The following ATP11A variants were observed in gnomAD, a reference collection of about 807,000 sequenced individuals.
ATP11A encodes the protein phospholipid-transporting ATPase IH.
Under a neutral mutation model 154.4 loss-of-function variants are expected in ATP11A, and 81 were observed. The ratio of observed to expected loss-of-function variants is 0.52; its 90% CI spans 0.44 to 0.63. ATP11A has a LOEUF of 0.63. Ranked by LOEUF, ATP11A falls within the 30% of genes least tolerant of loss-of-function variation. The pLI, the probability that ATP11A is intolerant of heterozygous loss-of-function variation, is 0.00. For missense variants in ATP11A, 1,316 were observed against 1,474.3 expected (o/e 0.89, Z 1.76); for synonymous variants, 623 against 585.9 (o/e 1.06, Z -0.91).
At chr13:112,724,720 C>A (rs1889622420) in intron 1 of ATP11A, among the ~76,000 whole-genome samples, 2 of 152,108 alleles carry the variant, frequency 1.3e-5, no homozygotes, top group African/African-American at 4.8e-5. Flanking sequence ...TGGGGCCCAT[C>A]TTGAGTCTCC....
At chr13:112,861,366 G>C (rs2080098610) in intron 24 of ATP11A, among the ~76,000 whole-genome samples, 1 of 152,124 alleles carries the variant, frequency 6.6e-6, no homozygotes, top group Non-Finnish European at 1.5e-5. Context: ...GATTCTGTGG[G>C]CCCTGATCCC....
At chr13:112,772,356 G>T (rs560258154) in intron 1 of ATP11A, among the ~76,000 whole-genome samples, 3 of 152,234 alleles carry the variant, frequency 2.0e-5, no homozygotes, top group Non-Finnish European at 4.4e-5. Flanking sequence ...GGGCCATGTG[G>T]CTGGAAGCAG....
Position 112,716,353 on chromosome 13 carries a change from G to A in ATP11A, c.39+25898G>A, listed in dbSNP as rs551337158. The stretch of plus-strand genomic sequence containing the variant: ...CCCGTGGGAATGCCCACCTAGGTGC[G>A]TGTGGCCTGGCGTCTCCCCAGATTC... On this transcript the variant is annotated intron_variant, in intron 1 of 29. Coordinates refer to ENST00000375645, the MANE Select transcript of ATP11A (RefSeq NM_015205.3). 6.1e-4 allele frequency among the ~76,000 whole-genome samples: 93 copies of A among 152,306 alleles called. No individual in the cohort carries two copies. In the Middle Eastern group the frequency reaches 0.014, roughly 22 times the overall value.
At chr13:112,822,850 A>G (rs1316777336) in intron 8 of ATP11A, among the ~76,000 whole-genome samples, 1 of 151,848 alleles carries the variant, frequency 6.6e-6, no homozygotes, top group African/African-American at 2.4e-5. Context: ...CTTCCAGTGC[A>G]GCTGTTCTCA....
chr13:112,814,684 TC>T (rs1337060734), intron 5 of ATP11A, among the ~76,000 whole-genome samples: 2 of 152,202 alleles, frequency 1.3e-5, no homozygotes, highest in African/African-American at 4.8e-5. Context: ...TGGGTCTGTT[TC>T]TGGTTCCCTG....
chr13:112,695,319 G>A (rs1004931817), intron 1 of ATP11A, among the ~76,000 whole-genome samples: 5 of 152,218 alleles, frequency 3.3e-5, no homozygotes, highest in Non-Finnish European at 5.9e-5. Context: ...CTCGTAAAGT[G>A]TTCATAATGA....
At chr13:112,870,353 A>G (rs181060653) in intron 25 of ATP11A, among the ~76,000 whole-genome samples, 1 of 152,242 alleles carries the variant, frequency 6.6e-6, no homozygotes, top group East Asian at 1.9e-4. Context: ...TTTTGGTTGA[A>G]ACTGAATTCT....
chr13:112,825,405 G>A (rs1402456941), intron 10 of ATP11A, 25 bp from the exon 11 acceptor site: 14 of 1,585,440 alleles, frequency 8.8e-6, no homozygotes, highest in Non-Finnish European at 1.2e-5. Context: ...AGGGACCAGT[G>A]ATCACCTCTG....
intron 1 of ATP11A, among the ~76,000 whole-genome samples, chr13:112,740,017 G>C (rs1350335197): frequency 2.0e-5 from 3 of 152,024 alleles, no homozygotes; most frequent in Non-Finnish European, 4.4e-5. Context: ...TTCTTGGGAT[G>C]ATGAAAATGC....
chr13:112,805,359 T>TA (rs1315881149), intron 3 of ATP11A, among the ~76,000 whole-genome samples: 1 of 152,222 alleles, frequency 6.6e-6, no homozygotes, highest in Non-Finnish European at 1.5e-5. Context: ...TATGCATCGT[T>TA]ACACTTAATT....
At chr13:112,879,877 A>G (rs1264739011) in intron 29 of ATP11A, among the ~76,000 whole-genome samples, 2 of 152,222 alleles carry the variant, frequency 1.3e-5, no homozygotes, top group African/African-American at 2.4e-5. Context: ...TATATGTTAT[A>G]TATGTGCGAT....
At chr13:112,714,736 T>A (rs1888229921) in intron 1 of ATP11A, among the ~76,000 whole-genome samples, 1 of 152,230 alleles carries the variant, frequency 6.6e-6, no homozygotes, top group African/African-American at 2.4e-5. Context: ...CCTCGGCTTC[T>A]GGCAGGTCAG....
At chr13:112,796,265 C>A (rs1039432859) in intron 2 of ATP11A, among the ~76,000 whole-genome samples, 2 of 152,182 alleles carry the variant, frequency 1.3e-5, no homozygotes, top group African/African-American at 4.8e-5. Context: ...GTGTGGCAGG[C>A]AGAAGGATGG....
chr13:112,854,403 A>G lies in ATP11A; in HGVS notation c.2116A>G (p.Arg706Gly). Reference protein sequence around the residue: ...ATCYACKLFRRNTQLLELTTK... With the variant: ...ATCYACKLFRGNTQLLELTTK... ...GTGCTACGCCTGCAAGCTCTTCCGC[A>G]GGAACACGCAGCTGCTGGAGCTGAC... Residue 706 changes from arginine (R) to glycine (G), a missense_variant, in exon 19 of 30, where the codon AGG becomes GGG. Arg to Gly is a moderately radical substitution (Grantham distance 125, BLOSUM62 -2). Around this residue, in one of 5 missense-constraint regions of ATP11A, gnomAD observed 876 missense variants for 1,006.8 expected, o/e 0.87. Coordinates refer to ENST00000375645, the MANE Select transcript of ATP11A (RefSeq NM_015205.3). 6.2e-7 allele frequency: 1 copy of G among 1,613,742 alleles called. No homozygotes were observed. The highest frequency in any genetic ancestry group is 8.5e-7 in the Non-Finnish European group (1 of 1,180,038).
chr13:112,692,401 T>G (rs1343344474), intron 1 of ATP11A, among the ~76,000 whole-genome samples: 1 of 152,228 alleles, frequency 6.6e-6, no homozygotes, highest in Admixed American at 6.5e-5. Context: ...AGCCGGTTTC[T>G]GACCCCTTCA....
Position 112,887,125 on chromosome 13 carries a change from GA to G in ATP11A, c.*5261del, listed in dbSNP as rs973291659. ...GAGACCTGAATCTGCTTGCAATAAA[GA>G]ATAAAAGTCTGCTTCAGTTTCTTTA... is the stretch of plus-strand genomic sequence containing the variant. On this transcript the variant is annotated 3_prime_UTR_variant, in exon 30 of 30. Transcript: ENST00000375645. The G allele has an allele frequency of 6.6e-6, 1 of 152,212 alleles. No homozygotes were observed. Among genetic ancestry groups the G allele is most frequent in the African/African-American group, 2.4e-5 (1 of 41,454 alleles). 9.4% of individuals were successfully genotyped at this position (152,212 alleles called of 1,614,324 possible).
At chr13:112,834,795 C>T (rs2079188272) in intron 15 of ATP11A, 135 bp downstream of exon 15, 2 of 669,342 alleles carry the variant, frequency 3.0e-6, no homozygotes, top group South Asian at 3.7e-5. Flanking sequence ...CCCAGTGACA[C>T]CCCAGGAATG....
In ATP11A at chr13:112,883,493, C is replaced by T. The variant is rs749280813; in HGVS notation, c.*1627C>T. 8.0e-5 allele frequency: 25 copies of T among 313,718 alleles called. No homozygotes were observed. The highest frequency in any genetic ancestry group is 4.5e-4 in the Admixed American group (9 of 19,982). 19.4% of individuals were successfully genotyped at this position (313,718 alleles called of 1,614,324 possible). On this transcript the variant is annotated 3_prime_UTR_variant, in exon 30 of 30. Transcript: ENST00000375645. The stretch of plus-strand genomic sequence containing the variant: ...GCAAGTGAAACCCAGAGGGTGTTTC[C>T]GAGGTGCTCGACAGTAGGTATTTTT...
At chr13:112,752,761 G>A (rs1043520714) in intron 1 of ATP11A, among the ~76,000 whole-genome samples, 5 of 151,976 alleles carry the variant, frequency 3.3e-5, no homozygotes, top group South Asian at 2.1e-4. Flanking sequence ...ACTTTCCACC[G>A]CCGATAACCA....
Sources: gnomAD v4.1 joint callset for allele counts (sites outside exome capture counted in the v4.1 genomes callset) on GRCh38, gnomAD v4.1.1 for gene constraint, gnomAD v4.1.1 regional missense constraint, MANE v1.5 for transcripts, NCBI Gene and HGNC (gene_info 2026-07-23, HGNC 2026-07-21) for gene names.